UQCC1: variants seen among roughly 807,000 people sequenced by gnomAD.
UQCC1 encodes ubiquinol-cytochrome c reductase complex assembly factor 1.
Under a neutral mutation model 48.0 loss-of-function variants are expected in UQCC1, and 38 were observed. That is an observed-to-expected ratio of 0.79 (90% CI 0.61 to 1.04). UQCC1 has a LOEUF of 1.04. Among genes scored for constraint, UQCC1 ranks in the 50% least tolerant of loss-of-function variants. The pLI is 0.00. For missense variants in UQCC1, 368 were observed against 381.8 expected (o/e 0.96, Z 0.30); for synonymous variants, 111 against 129.2 (o/e 0.86, Z 0.95).
chr20:35,376,834 G>A (rs76020235), intron 4 of UQCC1, among the ~76,000 whole-genome samples: 2,248 of 152,008 alleles, frequency 0.015, 49 homozygotes, highest in African/African-American at 0.05. Context: ...GTGGTGGTAC[G>A]CGCCTGTAGT....
At chr20:35,404,481 A>T (rs1388004140) in intron 1 of UQCC1, among the ~76,000 whole-genome samples, 1 of 152,092 alleles carries the variant, frequency 6.6e-6, no homozygotes, top group African/African-American at 2.4e-5. Flanking sequence ...TGGAGCTTGC[A>T]GTGAGCTGAG....
intron 6 of UQCC1, among the ~76,000 whole-genome samples, chr20:35,348,428 C>T (rs2061454210): frequency 6.6e-6 from 1 of 152,098 alleles, no homozygotes; most frequent in African/African-American, 2.4e-5. Context: ...CTCGCTCTGT[C>T]ACCCAGGCTG....
intron 2 of UQCC1, among the ~76,000 whole-genome samples, chr20:35,386,006 C>T (rs1462429887): frequency 6.6e-6 from 1 of 151,962 alleles, no homozygotes; most frequent in Non-Finnish European, 1.5e-5. Context: ...TACACTGACA[C>T]ATCATCATCA....
At chr20:35,346,880 C>A (rs2061436941) in intron 7 of UQCC1, 1 of 1,022,950 alleles carries the variant, frequency 9.8e-7, no homozygotes, top group Non-Finnish European at 1.4e-6. Context: ...CTCCATTCAC[C>A]AAATCCATCC....
intron 1 of UQCC1, among the ~76,000 whole-genome samples, chr20:35,397,521 A>AT (rs2062098831): frequency 2.0e-5 from 3 of 151,704 alleles, no homozygotes. Flanking sequence ...CTCAAAAAAA[A>AT]AAAAAAAGAA....
chr20:35,373,217 T>G (rs940631046), intron 5 of UQCC1, among the ~76,000 whole-genome samples: 3 of 152,194 alleles, frequency 2.0e-5, no homozygotes, highest in Non-Finnish European at 2.9e-5. Flanking sequence ...AAAACCCTTT[T>G]GGAAAGCAAT....
intron 7 of UQCC1, among the ~76,000 whole-genome samples, chr20:35,328,284 T>C (rs548585528): frequency 3.3e-5 from 5 of 152,180 alleles, no homozygotes; most frequent in South Asian, 4.1e-4. Context: ...CCCCACCTGG[T>C]GAGTCTGAAA....
chr20:35,322,086 G>A (rs2061137515), intron 7 of UQCC1, among the ~76,000 whole-genome samples: 1 of 152,124 alleles, frequency 6.6e-6, no homozygotes, highest in South Asian at 2.1e-4. Flanking sequence ...TTGAATAAGG[G>A]GAACATTATA....
At chr20:35,352,010 C>T (rs2061494883) in intron 6 of UQCC1, among the ~76,000 whole-genome samples, 1 of 152,212 alleles carries the variant, frequency 6.6e-6, no homozygotes, top group African/African-American at 2.4e-5. Flanking sequence ...AGATAAGGTA[C>T]ACCACACATC....
At position 35,366,575 on chromosome 20, in the gene UQCC1, A is replaced by G. The variant is rs2061668741; in HGVS notation, c.446T>C (p.Ile149Thr). ...CACTTACCAGACGTGGAGTAGGGTTATAAGAAACCATGAATTGAATGTATC... is the reference window on the plus strand; with the variant it reads ...CACTTACCAGACGTGGAGTAGGGTTGTAAGAAACCATGAATTGAATGTATC... ...MPDTFNSWFL[I>T]TLLHVWMCLV... The change falls in exon 6 of 10, where the codon ATA (isoleucine) becomes ACA (threonine). Residue 149 changes from isoleucine (I) to threonine (T), a missense_variant. Coordinates refer to ENST00000374385, the MANE Select transcript of UQCC1 (RefSeq NM_018244.5). 6.2e-7 allele frequency: 1 copy of G among 1,614,044 alleles called. No individual in the cohort carries two copies. Among genetic ancestry groups the G allele is most frequent in the African/African-American group, 1.3e-5 (1 of 75,064 alleles).
chr20:35,356,897 C>A (rs1266205632), intron 6 of UQCC1, among the ~76,000 whole-genome samples: 3 of 151,940 alleles, frequency 2.0e-5, no homozygotes, highest in Non-Finnish European at 4.4e-5. Context: ...ATACCTATAA[C>A]AAGAGTAACT....
chr20:35,392,179 A>C lies in UQCC1; in HGVS notation c.129+1913T>G, dbSNP rs2062021489. 28 of 1,216,538 alleles carry C rather than the reference A, an allele frequency of 2.3e-5. No homozygotes were observed. The South Asian group carries it at 3.4e-4, about 15-fold the overall frequency. 75.4% of individuals were successfully genotyped at this position (1,216,538 alleles called of 1,614,324 possible). A position where few individuals can be genotyped will look rare whatever the true frequency, so the allele number is the denominator to read the frequency against. ...CACACATCCCATTATGCACAATTCTAATTAACAAAACTCTTTCTCATTCTG... is the reference window on the plus strand; with the variant it reads ...CACACATCCCATTATGCACAATTCTCATTAACAAAACTCTTTCTCATTCTG... On this transcript the variant is annotated intron_variant, in intron 2 of 9. Coordinates refer to ENST00000374385, the MANE Select transcript of UQCC1 (RefSeq NM_018244.5).
intron 9 of UQCC1, 95 bp downstream of exon 9, chr20:35,306,571 G>C: frequency 1.1e-6 from 1 of 934,826 alleles, no homozygotes; most frequent in South Asian, 1.4e-5. Flanking sequence ...TCTCAGGCTG[G>C]TCCTTGGTAA....
intron 7 of UQCC1, among the ~76,000 whole-genome samples, chr20:35,324,397 G>A (rs1264333324): frequency 6.6e-6 from 1 of 152,094 alleles, no homozygotes; most frequent in African/African-American, 2.4e-5. Flanking sequence ...CGCCATCTCT[G>A]CTCACTGCAA....
intron 7 of UQCC1, among the ~76,000 whole-genome samples, chr20:35,339,991 C>T (rs1466010969): frequency 3.3e-5 from 5 of 152,088 alleles, no homozygotes; most frequent in East Asian, 3.9e-4. Flanking sequence ...AGAACAAGCA[C>T]GTTCTCCTAT....
intron 7 of UQCC1, among the ~76,000 whole-genome samples, chr20:35,316,000 G>C (rs550794516): frequency 6.6e-6 from 1 of 152,218 alleles, no homozygotes; most frequent in Non-Finnish European, 1.5e-5. Flanking sequence ...GGATCTTCAG[G>C]GCCCAGAGTG....
At chr20:35,377,603 T>G (rs1417488076) in intron 4 of UQCC1, among the ~76,000 whole-genome samples, 1 of 152,216 alleles carries the variant, frequency 6.6e-6, no homozygotes, top group African/African-American at 2.4e-5. Flanking sequence ...ATCTCTACTC[T>G]CATGGAGCTT....
At chr20:35,408,484 C>G (rs756848852) in intron 1 of UQCC1, among the ~76,000 whole-genome samples, 18 of 152,160 alleles carry the variant, frequency 1.2e-4, no homozygotes, top group Non-Finnish European at 2.2e-4. Context: ...TGTGGTGAAA[C>G]TGGAACCCTT....
chr20:35,383,575 T>C (rs1369626367), intron 3 of UQCC1, among the ~76,000 whole-genome samples: 5 of 151,874 alleles, frequency 3.3e-5, no homozygotes, highest in Admixed American at 6.6e-5. Context: ...CCTCATCTGT[T>C]AAAAAAAATT....
Sources: gnomAD v4.1 joint callset for allele counts (sites outside exome capture counted in the v4.1 genomes callset) on GRCh38, gnomAD v4.1.1 for gene constraint, MANE v1.5 for transcripts, NCBI Gene and HGNC (gene_info 2026-07-23, HGNC 2026-07-21) for gene names.